The following SEMA3D variants were observed in gnomAD, a reference collection of about 807,000 sequenced individuals.
SEMA3D encodes the protein semaphorin-3D.
SEMA3D carries 84 observed loss-of-function variants against 100.1 expected under a neutral mutation model. That is an observed-to-expected ratio of 0.84 (90% confidence interval 0.70 to 1.01). The LOEUF (loss-of-function observed/expected upper bound fraction) is 1.01, where lower values mean the gene tolerates loss of function less well. SEMA3D is among the 50% of genes least tolerant of loss of function. The pLI, the probability that SEMA3D is intolerant of heterozygous loss-of-function variation, is 0.00. For synonymous variants in SEMA3D, 312 were observed against 320.7 expected, an observed-to-expected ratio of 0.97 and a Z score of 0.29; for missense variants, 875 against 934.1, an observed-to-expected ratio of 0.94 and a Z score of 0.82.
intron 2 of SEMA3D, among the ~76,000 whole-genome samples, chr7:85,130,177 C>A (rs193128630): frequency 6.6e-6 from 1 of 152,004 alleles, no homozygotes; most frequent in African/African-American, 2.4e-5. Flanking sequence ...ATTTAGGAAC[C>A]AAGTCTTCAT....
intron 3 of SEMA3D, among the ~76,000 whole-genome samples, chr7:85,116,456 C>CAT (rs934217764): frequency 1.4e-5 from 2 of 146,960 alleles, no homozygotes; most frequent in African/African-American, 2.5e-5. Flanking sequence ...TATATAAATA[C>CAT]ATATATATAC....
intron 2 of SEMA3D, among the ~76,000 whole-genome samples, chr7:85,124,378 T>G (rs940424252): frequency 6.6e-6 from 1 of 151,940 alleles, no homozygotes; most frequent in African/African-American, 2.4e-5. Context: ...ATATAACTTG[T>G]GATGGTATTT....
chr7:85,199,750 T>C, the SEMA3D span, among the ~76,000 whole-genome samples: 9 of 152,256 alleles, frequency 5.9e-5, no homozygotes, highest in African/African-American at 1.9e-4. Flanking sequence ...TTTGAATAGA[T>C]ATGATTTTCA....
At chr7:85,181,319 A>AACACACACACACAC (rs3076567) in intron 1 of SEMA3D, among the ~76,000 whole-genome samples, 7 of 93,682 alleles carry the variant, frequency 7.5e-5, no homozygotes, top group African/African-American at 3.3e-4. Flanking sequence ...ACATGCTCAC[A>AACACACACACACAC]ACACACACAC....
intron 2 of SEMA3D, among the ~76,000 whole-genome samples, chr7:85,138,705 G>A (rs1789943438): frequency 6.7e-6 from 1 of 149,386 alleles, no homozygotes; most frequent in Non-Finnish European, 1.5e-5. Context: ...GGATACTTGT[G>A]CAGAATGTGC....
intron 6 of SEMA3D, among the ~76,000 whole-genome samples, chr7:85,071,416 A>C (rs990799218): frequency 1.3e-5 from 2 of 152,196 alleles, no homozygotes; most frequent in African/African-American, 4.8e-5. Flanking sequence ...TCTCTGTGTG[A>C]ATCAGCTAAG....
intron 2 of SEMA3D, among the ~76,000 whole-genome samples, chr7:85,153,204 AAACTCT>A (rs1290860197): frequency 1.7e-3 from 256 of 152,240 alleles, no homozygotes; most frequent in African/African-American, 5.7e-3. Flanking sequence ...TTGAAAAAAT[AAACTCT>A]AATATAAGTG....
the SEMA3D span, among the ~76,000 whole-genome samples, chr7:85,209,188 A>T: frequency 6.6e-6 from 1 of 152,052 alleles, no homozygotes; most frequent in Non-Finnish European, 1.5e-5. Context: ...CAAGTCTGGT[A>T]TAAATGGTAA....
At chr7:85,247,554 G>A in the SEMA3D span, among the ~76,000 whole-genome samples, 1 of 152,028 alleles carries the variant, frequency 6.6e-6, no homozygotes. Context: ...ATGATTTCAA[G>A]TTTACATGGA....
intron 14 of SEMA3D, among the ~76,000 whole-genome samples, chr7:85,019,445 T>G (rs1790194270): frequency 6.6e-6 from 1 of 151,716 alleles, no homozygotes; most frequent in Non-Finnish European, 1.5e-5. Context: ...AACAGGATCC[T>G]GTGGAACTCA....
the SEMA3D span, among the ~76,000 whole-genome samples, chr7:85,224,003 A>G: frequency 6.6e-6 from 1 of 152,188 alleles, no homozygotes; most frequent in Non-Finnish European, 1.5e-5. Flanking sequence ...CAAACTGGAA[A>G]CAATTTTTAT....
intron 9 of SEMA3D, among the ~76,000 whole-genome samples, chr7:85,044,497 T>C (rs1039886999): frequency 2.0e-5 from 3 of 152,272 alleles, no homozygotes; most frequent in East Asian, 3.9e-4. Flanking sequence ...ATAATAACTT[T>C]GAAATCTAAA....
At chr7:85,176,453 A>G (rs560145433) in intron 1 of SEMA3D, among the ~76,000 whole-genome samples, 1 of 152,276 alleles carries the variant, frequency 6.6e-6, no homozygotes, top group African/African-American at 2.4e-5. Flanking sequence ...TACGACTCAT[A>G]CAAACTAAAA....
chr7:85,154,716 A>C (rs2116499975), intron 1 of SEMA3D, among the ~76,000 whole-genome samples: 1 of 152,272 alleles, frequency 6.6e-6, no homozygotes, highest in South Asian at 2.1e-4. Flanking sequence ...TACCAGAGAG[A>C]ACCATAAAAC....
intron 15 of SEMA3D, among the ~76,000 whole-genome samples, chr7:85,016,931 GT>G (rs1790121005): frequency 6.6e-6 from 1 of 151,054 alleles, no homozygotes; most frequent in African/African-American, 2.4e-5. Flanking sequence ...GGCTTTCATT[GT>G]TTTTAAGATA....
chr7:85,153,142 C>T (rs749657788), intron 2 of SEMA3D, among the ~76,000 whole-genome samples: 1 of 152,108 alleles, frequency 6.6e-6, no homozygotes, highest in African/African-American at 2.4e-5. Flanking sequence ...TACAAAAAGA[C>T]TGCCTTTGGT....
chr7:85,106,088 T>C (rs1351462648), intron 3 of SEMA3D, among the ~76,000 whole-genome samples: 11 of 152,104 alleles, frequency 7.2e-5, no homozygotes, highest in Non-Finnish European at 1.6e-4. Flanking sequence ...TTTTTTCCTA[T>C]TGACCTGTAA....
chr7:85,055,767 C>T lies in SEMA3D; in HGVS notation c.811G>A (p.Gly271Ser). The part of the protein sequence containing the change: ...YFFFRESSQE[G>S]STSDKTILSR... ...AGGATGGTTTTATCGGAGGTACTGC[C>T]TTCTTGAGATGATTCACGAAAGAAG... Residue 271 changes from glycine to serine, a missense_variant, in exon 9 of 19, where the codon GGC becomes AGC. Physicochemically the swap from Gly to Ser is moderately conservative, Grantham distance 56. Coordinates refer to ENST00000284136, the MANE Select transcript of SEMA3D (RefSeq NM_001384900.1). 6.4e-7 allele frequency: 1 copy of T among 1,571,850 alleles called. No homozygotes were observed. The highest frequency in any genetic ancestry group is 8.7e-7 in the Non-Finnish European group (1 of 1,147,948).
intron 3 of SEMA3D, among the ~76,000 whole-genome samples, chr7:85,110,304 G>C (rs1420273452): frequency 6.6e-6 from 1 of 151,872 alleles, no homozygotes; most frequent in Non-Finnish European, 1.5e-5. Flanking sequence ...TTGCATACAG[G>C]TAAGTTGTAT....
Sources: allele counts gnomAD v4.1 joint callset (sites outside exome capture counted in the v4.1 genomes callset), GRCh38; gene constraint gnomAD v4.1.1; transcripts MANE v1.5; gene names NCBI Gene and HGNC (gene_info 2026-07-23, HGNC 2026-07-21).